LRRC3B: variants seen among roughly 807,000 people sequenced by gnomAD.
LRRC3B encodes the protein leucine-rich repeat-containing protein 3B.
In LRRC3B, 2 loss-of-function variants were observed where a neutral mutation model predicts 12.8. The observed-to-expected ratio is 0.16, with a 90% CI of 0.06 to 0.49. LRRC3B has a LOEUF of 0.49. Among genes scored for constraint, LRRC3B ranks in the 20% least tolerant of loss-of-function variants. LRRC3B has a pLI of 0.96. For missense variants in LRRC3B, 189 were observed against 319.4 expected, an observed-to-expected ratio of 0.59 and a Z score of 3.11; for synonymous variants, 132 against 122.0, an observed-to-expected ratio of 1.08 and a Z score of -0.54.
At chr3:26,709,853 G>T in exon 2 of LRRC3B, 6 of 1,614,108 alleles carry the variant, frequency 3.7e-6, no homozygotes, top group Non-Finnish European at 5.1e-6. Context: ...AATACCTAGA[G>T]ATCTTCCTCC....
chr3:26,650,814 G>A (rs956448358), intron 1 of LRRC3B, among the ~76,000 whole-genome samples: 3 of 152,116 alleles, frequency 2.0e-5, no homozygotes, highest in East Asian at 1.9e-4. Flanking sequence ...CAAGACTTCC[G>A]TTATCTACTC....
chr3:26,681,903 T>A (rs1428999967), intron 1 of LRRC3B, among the ~76,000 whole-genome samples: 1 of 152,198 alleles, frequency 6.6e-6, no homozygotes, highest in Non-Finnish European at 1.5e-5. Context: ...AAACCCTACA[T>A]ATGCTGTGTT....
intron 1 of LRRC3B, among the ~76,000 whole-genome samples, chr3:26,635,539 C>CACAGTGAGAAGGCGGCTGTCTGCA (rs1698850587): frequency 6.6e-6 from 1 of 152,000 alleles, no homozygotes. Context: ...CATGTGAGGA[C>CACAGTGAGAAGGCGGCTGTCTGCA]ACAGTGAGAA....
At chr3:26,643,487 T>A (rs1334062246) in intron 1 of LRRC3B, among the ~76,000 whole-genome samples, 1 of 151,936 alleles carries the variant, frequency 6.6e-6, no homozygotes, top group African/African-American at 2.4e-5. Flanking sequence ...GCATTTAGAG[T>A]CATCTCCCAG....
chr3:26,709,412 C>T lies in LRRC3B; in HGVS notation c.-160-101C>T, dbSNP rs879191901. 4 of 479,756 alleles carry T rather than the reference C, an allele frequency of 8.3e-6. No homozygotes were observed. The Admixed American group carries it at 1.4e-4, about 17-fold the overall frequency. The allele number at this position is 479,756 out of a possible 1,614,324, so 29.7% of individuals were successfully genotyped here. On this transcript the variant is annotated intron_variant, in intron 1 of 1. Transcript: ENST00000396641. ...GATGGAAATTACCTGCATAACTAAC[C>T]CCCCTGCTCAAGCAGAATGCCAGAC...
At chr3:26,703,651 C>A (rs1700512322) in intron 1 of LRRC3B, among the ~76,000 whole-genome samples, 2 of 151,182 alleles carry the variant, frequency 1.3e-5, no homozygotes, top group African/African-American at 4.9e-5. Flanking sequence ...ATAATCAGTT[C>A]TTGGCTGATT....
intron 1 of LRRC3B, among the ~76,000 whole-genome samples, 179 bp from the exon 2 acceptor site, chr3:26,709,334 A>G (rs1700688991): frequency 6.6e-6 from 1 of 152,208 alleles, no homozygotes; most frequent in African/African-American, 2.4e-5. Context: ...CTCCCCCAGC[A>G]CCTGGGATTT....
intron 1 of LRRC3B, among the ~76,000 whole-genome samples, chr3:26,648,354 C>T (rs1382604530): frequency 2.6e-5 from 4 of 152,080 alleles, no homozygotes; most frequent in African/African-American, 9.7e-5. Flanking sequence ...ACCCCTCCTT[C>T]CCTGACACCT....
At position 26,648,892 on chromosome 3, in the gene LRRC3B, C is replaced by T. The variant is rs78177343; in HGVS notation, c.-161+25655C>T. 2.4e-3 allele frequency among the ~76,000 whole-genome samples: 367 copies of T among 152,318 alleles called. 3 individuals carry two copies. The highest frequency in any genetic ancestry group is 8.5e-3 in the African/African-American group (354 of 41,566). Reference sequence around the variant, plus strand: ...CAATGAGTATACTGGCTGTCTTAAACTCTCAAAGCTTACATTCCTCCCTTG... The same window carrying T: ...CAATGAGTATACTGGCTGTCTTAAATTCTCAAAGCTTACATTCCTCCCTTG... On this transcript the variant is annotated intron_variant, in intron 1 of 1. Coordinates refer to ENST00000396641, the Ensembl canonical transcript of LRRC3B.
intron 1 of LRRC3B, among the ~76,000 whole-genome samples, chr3:26,692,801 C>T (rs993535432): frequency 6.6e-6 from 1 of 152,194 alleles, no homozygotes; most frequent in Non-Finnish European, 1.5e-5. Flanking sequence ...TTTATTATTG[C>T]TCACAAATCC....
At chr3:26,639,577 A>G (rs968905699) in intron 1 of LRRC3B, among the ~76,000 whole-genome samples, 1 of 146,444 alleles carries the variant, frequency 6.8e-6, no homozygotes, top group Non-Finnish European at 1.5e-5. Context: ...TTAAATATTT[A>G]GTTCCTCAGT....
exon 2 of LRRC3B, chr3:26,710,462 T>A: frequency 6.5e-7 from 1 of 1,548,844 alleles, no homozygotes; most frequent in East Asian, 2.3e-5. Context: ...GTGTCCAAAC[T>A]GACTGTCATT....
At chr3:26,691,794 T>C (rs2125449940) in intron 1 of LRRC3B, among the ~76,000 whole-genome samples, 1 of 152,190 alleles carries the variant, frequency 6.6e-6, no homozygotes, top group East Asian at 1.9e-4. Flanking sequence ...GCAGACATAA[T>C]ATTGGGTGAG....
At chr3:26,679,146 T>G (rs1699920192) in intron 1 of LRRC3B, among the ~76,000 whole-genome samples, 1 of 152,198 alleles carries the variant, frequency 6.6e-6, no homozygotes, top group South Asian at 2.1e-4. Context: ...TAAACAGAGT[T>G]GTACAAAATC....
At chr3:26,706,323 C>T (rs889851922) in intron 1 of LRRC3B, among the ~76,000 whole-genome samples, 1 of 152,140 alleles carries the variant, frequency 6.6e-6, no homozygotes, top group African/African-American at 2.4e-5. Context: ...ACCACAGCAG[C>T]ATCCCAGGGC....
At chr3:26,642,728 C>T (rs560663640) in intron 1 of LRRC3B, among the ~76,000 whole-genome samples, 13 of 152,136 alleles carry the variant, frequency 8.5e-5, no homozygotes, top group South Asian at 4.1e-4. Flanking sequence ...GAATTAAATG[C>T]GCAGAGTTGC....
intron 1 of LRRC3B, among the ~76,000 whole-genome samples, chr3:26,685,501 C>G (rs1175617363): frequency 4.4e-5 from 2 of 45,554 alleles, no homozygotes; most frequent in Non-Finnish European, 8.3e-5. Flanking sequence ...CTCTCTCTCT[C>G]TCTCTCTCTC....
At chr3:26,699,876 G>C (rs547882845) in intron 1 of LRRC3B, among the ~76,000 whole-genome samples, 2 of 152,292 alleles carry the variant, frequency 1.3e-5, no homozygotes, top group South Asian at 2.1e-4. Flanking sequence ...GGATGTAGCA[G>C]AGACATCGTG....
chr3:26,636,926 CTTTCTT>C lies in LRRC3B; in HGVS notation c.-161+13691_-161+13696del, dbSNP rs1559350304. On this transcript the variant is annotated intron_variant, in intron 1 of 1. Coordinates refer to ENST00000396641, the Ensembl canonical transcript of LRRC3B. ...TCTTTCTCTCTTTCTCTCTTTCTTT[CTTTCTT>C]TCTTTCTTTCTTTCTTTCTTTCTTT... 3.3e-4 allele frequency among the ~76,000 whole-genome samples: 27 copies of C among 81,694 alleles called. 2 individuals are homozygous for C. Among genetic ancestry groups the C allele is most frequent in the African/African-American group, 1.1e-3 (15 of 13,454 alleles). 53.6% of individuals were successfully genotyped at this position (81,694 alleles called of 152,430 possible). A position where few individuals can be genotyped will look rare whatever the true frequency, so the allele number is the denominator to read the frequency against.
Sources: allele counts gnomAD v4.1 joint callset (sites outside exome capture counted in the v4.1 genomes callset), GRCh38; gene constraint gnomAD v4.1.1; transcripts MANE v1.5; gene names NCBI Gene and HGNC (gene_info 2026-07-23, HGNC 2026-07-21).